The following ATP10B variants were observed in gnomAD, a reference collection of about 807,000 sequenced individuals.
ATP10B encodes ATPase phospholipid transporting 10B (putative).
A neutral mutation model predicts 141.2 loss-of-function variants in ATP10B; 122 were observed. The observed-to-expected ratio is 0.86, with a 90% CI of 0.75 to 1.00. The LOEUF is 1.00. ATP10B is among the 50% of genes least tolerant of loss of function. The probability of loss-of-function intolerance (pLI) is 0.00; values close to 1 mark genes in which losing one functional copy is unlikely to be tolerated. For missense variants in ATP10B, 1,876 were observed against 1,825.3 expected, an observed-to-expected ratio of 1.03 and a Z score of -0.51; for synonymous variants, 685 against 692.0, an observed-to-expected ratio of 0.99 and a Z score of 0.16.
At chr5:160,855,030 A>G (rs1753962707), upstream of ATP10B, among the ~76,000 whole-genome samples, 1 of 152,152 alleles carries the variant, frequency 6.6e-6, no homozygotes, top group South Asian at 2.1e-4. Flanking sequence ...GCTCTGTTAT[A>G]AAGTTGCTAT....
intron 1 of ATP10B, among the ~76,000 whole-genome samples, chr5:160,837,267 A>C (rs539191705): frequency 6.6e-6 from 1 of 152,164 alleles, no homozygotes; most frequent in African/African-American, 2.4e-5. Context: ...TCAGCTACAT[A>C]TTGTTACTAT....
At chr5:160,668,393 A>G (rs1181259851) in intron 7 of ATP10B, among the ~76,000 whole-genome samples, 2 of 152,076 alleles carry the variant, frequency 1.3e-5, no homozygotes, top group East Asian at 3.9e-4. Context: ...TATTTTATAC[A>G]TTTCTCATTG....
At chr5:160,899,982 C>G in the ATP10B span, among the ~76,000 whole-genome samples, 1 of 152,210 alleles carries the variant, frequency 6.6e-6, no homozygotes, top group Non-Finnish European at 1.5e-5. Context: ...CCAAGGGAAG[C>G]CTTCCAGCCC....
In ATP10B at chr5:160,737,286, C is replaced by G. The variant is rs544736123; in HGVS notation, c.-330-20252G>C. On this transcript the variant is annotated intron_variant, in intron 2 of 25. Coordinates refer to ENST00000327245, the MANE Select transcript of ATP10B (RefSeq NM_025153.3). ...ATAAAAGCCATATATGACAGACCCTCAACTGGTGTCATATTGAGTAGGGAA... is the reference window on the plus strand; with the variant it reads ...ATAAAAGCCATATATGACAGACCCTGAACTGGTGTCATATTGAGTAGGGAA... 2.0e-5 allele frequency among the ~76,000 whole-genome samples: 3 copies of G among 152,312 alleles called. No homozygotes were observed. The East Asian group carries it at 5.8e-4, about 29-fold the overall frequency.
rs151203431 is a variant in ATP10B, at chr5:160,838,032, A to G, written c.-576+13909T>C. On this transcript the variant is annotated intron_variant, in intron 1 of 25. Coordinates refer to ENST00000327245, the MANE Select transcript of ATP10B (RefSeq NM_025153.3). ...AAACTTTTGCCAGAATTAAAAGATT[A>G]TGCCGGTACTTAAAAGCCAGCTCCA... Among the ~76,000 whole-genome samples, 601 of 152,312 alleles carry G rather than the reference A, an allele frequency of 3.9e-3. 4 individuals carry two copies. The highest frequency in any genetic ancestry group is 0.014 in the African/African-American group (567 of 41,574).
intron 1 of ATP10B, among the ~76,000 whole-genome samples, chr5:160,821,099 T>C (rs976055513): frequency 2.6e-4 from 39 of 152,264 alleles, no homozygotes; most frequent in African/African-American, 9.1e-4. Context: ...TATGTTATCT[T>C]ATATTTGGAA....
intron 8 of ATP10B, among the ~76,000 whole-genome samples, chr5:160,646,942 TTGTAGCATCCCTGG>T (rs1417097614): frequency 1.3e-5 from 2 of 152,180 alleles, no homozygotes; most frequent in Non-Finnish European, 2.9e-5. Context: ...GTCCTGTGCA[TTGTAGCATCCCTGG>T]CCCCTACCCA....
intron 6 of ATP10B, chr5:160,684,843 G>A: frequency 1.4e-6 from 1 of 696,132 alleles, no homozygotes; most frequent in Non-Finnish European, 2.6e-6. Flanking sequence ...ACCTGCTGTA[G>A]ATGAGGCACT....
the ATP10B span, among the ~76,000 whole-genome samples, chr5:160,873,288 A>T: frequency 1.7e-4 from 26 of 152,284 alleles, no homozygotes; most frequent in Middle Eastern, 3.4e-3. Context: ...TATGGTTAAC[A>T]TCATTCTTCA....
the ATP10B span, among the ~76,000 whole-genome samples, chr5:160,907,652 C>G: frequency 1.3e-5 from 2 of 152,310 alleles, no homozygotes; most frequent in South Asian, 4.1e-4. Context: ...TGAGCCACCA[C>G]TGCACTGGGC....
chr5:160,636,159 C>T (rs1470670084), intron 11 of ATP10B, 23 bp downstream of exon 11: 14 of 1,576,280 alleles, frequency 8.9e-6, no homozygotes, highest in South Asian at 1.2e-5. Context: ...TTATTGGGCC[C>T]CTAGTTAGGG....
At chr5:160,910,840 C>T in the ATP10B span, among the ~76,000 whole-genome samples, 7 of 152,160 alleles carry the variant, frequency 4.6e-5, no homozygotes, top group Non-Finnish European at 1.0e-4. Context: ...TGTATGGCCC[C>T]ACCAAGTTTC....
the ATP10B span, among the ~76,000 whole-genome samples, chr5:160,876,438 C>G: frequency 4.0e-5 from 6 of 148,390 alleles, no homozygotes; most frequent in Admixed American, 2.0e-4. Context: ...AAGCAGGAAA[C>G]ATCCAAAATT....
the ATP10B span, among the ~76,000 whole-genome samples, chr5:160,917,265 ACTT>A: frequency 1.2e-3 from 124 of 102,094 alleles, 1 homozygote; most frequent in Non-Finnish European, 1.9e-3. Context: ...ATTCTAGGGT[ACTT>A]CTTTTTTTTT....
chr5:160,647,819 G>A (rs1307005074), intron 8 of ATP10B, among the ~76,000 whole-genome samples: 2 of 152,238 alleles, frequency 1.3e-5, no homozygotes, highest in Admixed American at 6.5e-5. Flanking sequence ...CTCGCTCTGT[G>A]TATTTTAAAA....
intron 11 of ATP10B, among the ~76,000 whole-genome samples, chr5:160,635,177 G>T (rs374835576): frequency 6.6e-6 from 1 of 152,222 alleles, no homozygotes; most frequent in African/African-American, 2.4e-5. Context: ...GGCTGGGTGG[G>T]ATGCTTGTAA....
intron 1 of ATP10B, among the ~76,000 whole-genome samples, chr5:160,799,298 A>G (rs1476612641): frequency 6.6e-6 from 1 of 152,172 alleles, no homozygotes; most frequent in Non-Finnish European, 1.5e-5. Context: ...GAGATTAGTC[A>G]TCTGATTTAA....
Position 160,696,770 on chromosome 5 carries a change from T to TA in ATP10B, c.-204-7828dup, listed in dbSNP as rs373214141. 5.6e-3 allele frequency among the ~76,000 whole-genome samples: 858 copies of TA among 152,286 alleles called. 9 individuals carry two copies. The highest frequency in any genetic ancestry group is 0.02 in the African/African-American group (824 of 41,552). On this transcript the variant is annotated intron_variant, in intron 3 of 25. Coordinates refer to ENST00000327245, the MANE Select transcript of ATP10B (RefSeq NM_025153.3). ...GGTTTTTCATCAACCCTGAATTCAA[T>TA]AAAAAAACTCAGTGAGCCAGATTCC...
intron 18 of ATP10B, chr5:160,612,052 TCTCTCCAAACCTCA>T (rs1353061009): frequency 6.6e-6 from 1 of 152,210 alleles, no homozygotes; most frequent in Non-Finnish European, 1.5e-5. Flanking sequence ...TTCCCAGTCT[TCTCTCCAAACCTCA>T]CTCCCTGCCA....
Sources: gnomAD v4.1 joint callset for allele counts (sites outside exome capture counted in the v4.1 genomes callset) on GRCh38, gnomAD v4.1.1 for gene constraint, MANE v1.5 for transcripts, NCBI Gene and HGNC (gene_info 2026-07-23, HGNC 2026-07-21) for gene names.